The following ITCH variants were observed in gnomAD, a reference collection of about 807,000 sequenced individuals.
ITCH encodes the protein E3 ubiquitin-protein ligase Itchy homolog.
Under a neutral mutation model 126.8 loss-of-function variants are expected in ITCH, and 28 were observed. The observed-to-expected ratio is 0.22, with a 90% CI of 0.16 to 0.30. ITCH has a LOEUF of 0.30. ITCH is among the 10% of genes least tolerant of loss of function. ITCH has a pLI of 1.00. For missense variants in ITCH, 631 were observed against 1,032.4 expected (o/e 0.61, Z 5.33); for synonymous variants, 342 against 340.0 (o/e 1.01, Z -0.06).
chr20:34,477,903 A>G, intron 17 of ITCH, 43 bp downstream of exon 17: 1 of 1,611,996 alleles, frequency 6.2e-7, no homozygotes. Flanking sequence ...CCTTTCCTCC[A>G]AAGGTACCAT....
chr20:34,486,132 A>C (rs933484896), intron 20 of ITCH, among the ~76,000 whole-genome samples: 2 of 152,056 alleles, frequency 1.3e-5, no homozygotes, highest in Non-Finnish European at 2.9e-5. Context: ...CTCCCACCTC[A>C]GCCTTCCAGG....
chr20:34,495,316 T>TATACAC (rs796826383), intron 23 of ITCH, among the ~76,000 whole-genome samples: 159 of 132,240 alleles, frequency 1.2e-3, no homozygotes, highest in African/African-American at 2.7e-3. Context: ...TATATATATA[T>TATACAC]ACACACGCAC....
At chr20:34,495,317 A>C (rs1213347729) in intron 23 of ITCH, among the ~76,000 whole-genome samples, 2 of 51,960 alleles carry the variant, frequency 3.8e-5, no homozygotes, top group East Asian at 9.6e-4. Context: ...ATATATATAT[A>C]CACACGCACA....
chr20:34,484,916 A>T (rs1989002423), intron 20 of ITCH, among the ~76,000 whole-genome samples: 1 of 152,018 alleles, frequency 6.6e-6, no homozygotes, highest in Non-Finnish European at 1.5e-5. Context: ...TCTATTCTGG[A>T]CCCCATAAGG....
chr20:34,468,251 T>G (rs1278825402), intron 14 of ITCH, among the ~76,000 whole-genome samples: 2 of 151,572 alleles, frequency 1.3e-5, no homozygotes, highest in Non-Finnish European at 2.9e-5. Context: ...AGCCAGGATG[T>G]TCTCAATCTC....
At chr20:34,387,406 G>A (rs975837126) in intron 2 of ITCH, among the ~76,000 whole-genome samples, 54 of 151,994 alleles carry the variant, frequency 3.6e-4, no homozygotes, top group Admixed American at 3.3e-3. Context: ...GCAGGAGGAC[G>A]ACTTACTTGA....
chr20:34,364,201 C>T (rs1314546715), intron 1 of ITCH, among the ~76,000 whole-genome samples: 1 of 152,132 alleles, frequency 6.6e-6, no homozygotes, highest in African/African-American at 2.4e-5. Flanking sequence ...ACCAGGTGAA[C>T]TTGTAAAGGG....
At chr20:34,370,258 G>C (rs1033591838) in intron 2 of ITCH, among the ~76,000 whole-genome samples, 3 of 152,130 alleles carry the variant, frequency 2.0e-5, no homozygotes, top group African/African-American at 7.2e-5. Context: ...TTATACATCT[G>C]TAAAATAGGT....
At chr20:34,454,109 C>T (rs1367073663) in intron 12 of ITCH, among the ~76,000 whole-genome samples, 2 of 151,822 alleles carry the variant, frequency 1.3e-5, no homozygotes, top group African/African-American at 2.4e-5. Context: ...TTAACAAGAG[C>T]AAGCTGTAAC....
rs1477221671 is a variant in ITCH, at chr20:34,489,751, T to C, written c.2215-71T>C. 7 of 981,494 alleles carry C rather than the reference T, an allele frequency of 7.1e-6. No individual in the cohort carries two copies. In the African/African-American group the frequency reaches 9.5e-5, roughly 13 times the overall value. The allele number at this position is 981,494 out of a possible 1,614,324, so 60.8% of individuals were successfully genotyped here. A position where few individuals can be genotyped will look rare whatever the true frequency, so the allele number is the denominator to read the frequency against. ...GTTATTCTAAAGCTTTGCTTAATCT[T>C]AGTCTTTCCTATGTCCAGCTGTTTT... On this transcript the variant is annotated intron_variant, in intron 21 of 24. Transcript: ENST00000374864.
At chr20:34,475,144 G>A (rs1168775423) in intron 16 of ITCH, among the ~76,000 whole-genome samples, 5 of 151,064 alleles carry the variant, frequency 3.3e-5, no homozygotes, top group Non-Finnish European at 5.9e-5. Flanking sequence ...GATGGCGGCC[G>A]GGCAGAGACG....
At chr20:34,461,033 T>G (rs1429201544) in intron 13 of ITCH, among the ~76,000 whole-genome samples, 1 of 152,076 alleles carries the variant, frequency 6.6e-6, no homozygotes, top group Non-Finnish European at 1.5e-5. Context: ...AAAAGAATCT[T>G]TTTTTGAGTT....
intron 2 of ITCH, among the ~76,000 whole-genome samples, chr20:34,372,365 C>T (rs1276027032): frequency 1.5e-5 from 2 of 133,318 alleles, no homozygotes; most frequent in Non-Finnish European, 3.1e-5. Flanking sequence ...AATGAGAAAC[C>T]ATGTTATTTT....
At chr20:34,499,198 T>C (rs1301026877) in intron 23 of ITCH, among the ~76,000 whole-genome samples, 1 of 149,672 alleles carries the variant, frequency 6.7e-6, no homozygotes, top group East Asian at 2.0e-4. Flanking sequence ...ATGGTCTCGA[T>C]GTCCTGACCT....
At chr20:34,470,910 T>C (rs1568978133) in intron 15 of ITCH, among the ~76,000 whole-genome samples, 1 of 152,242 alleles carries the variant, frequency 6.6e-6, no homozygotes, top group South Asian at 2.1e-4. Flanking sequence ...ATCTATCGTT[T>C]GATATAACTG....
chr20:34,491,030 A>T (rs1218827484), intron 22 of ITCH, among the ~76,000 whole-genome samples: 2 of 152,170 alleles, frequency 1.3e-5, no homozygotes, highest in East Asian at 3.8e-4. Context: ...TAACTTACCC[A>T]TTGTAAAGTT....
At chr20:34,500,549 G>A (rs1043237681) in intron 23 of ITCH, among the ~76,000 whole-genome samples, 3 of 151,996 alleles carry the variant, frequency 2.0e-5, no homozygotes, top group Non-Finnish European at 2.9e-5. Flanking sequence ...CAGTCTGTAT[G>A]TGTCTTTACG....
chr20:34,426,500 C>T (rs1057463382), intron 7 of ITCH, among the ~76,000 whole-genome samples: 3 of 151,876 alleles, frequency 2.0e-5, no homozygotes, highest in Non-Finnish European at 4.4e-5. Flanking sequence ...GGCTGAAGTG[C>T]AGTGGCGCGA....
intron 23 of ITCH, among the ~76,000 whole-genome samples, chr20:34,492,891 A>G (rs577013161): frequency 1.3e-5 from 2 of 152,326 alleles, no homozygotes; most frequent in East Asian, 1.9e-4. Flanking sequence ...GTCAATCACT[A>G]TTGGTTGTAT....
Sources: allele counts gnomAD v4.1 joint callset (sites outside exome capture counted in the v4.1 genomes callset), GRCh38; gene constraint gnomAD v4.1.1; transcripts MANE v1.5; gene names NCBI Gene and HGNC (gene_info 2026-07-23, HGNC 2026-07-21).